CADM2: variants seen among roughly 807,000 people sequenced by gnomAD.
CADM2 encodes the protein cell adhesion molecule 2, also known as immunoglobulin superfamily member 4D.
Under a neutral mutation model 49.8 loss-of-function variants are expected in CADM2, and 12 were observed. The ratio of observed to expected loss-of-function variants is 0.24; its 90% CI spans 0.15 to 0.39. CADM2 has a LOEUF of 0.39. Ranked by LOEUF, CADM2 falls within the 10% of genes least tolerant of loss-of-function variation. The pLI, the probability that CADM2 is intolerant of heterozygous loss-of-function variation, is 1.00. For missense variants in CADM2, 378 were observed against 492.3 expected (o/e 0.77, Z 2.20); for synonymous variants, 214 against 175.4 (o/e 1.22, Z -1.74).
At chr3:85,389,518 G>A (rs1424596579) in intron 1 of CADM2, among the ~76,000 whole-genome samples, 2 of 151,892 alleles carry the variant, frequency 1.3e-5, no homozygotes, top group Admixed American at 6.6e-5. Flanking sequence ...ATTTCTCTCT[G>A]TATTCTGTGT....
chr3:85,655,836 T>C (rs551391568), intron 1 of CADM2, among the ~76,000 whole-genome samples: 2 of 152,312 alleles, frequency 1.3e-5, no homozygotes, highest in African/African-American at 4.8e-5. Context: ...GAGATAGAAT[T>C]CAATAGCACA....
At chr3:85,288,668 A>ATTCAGTGATAAGATTCAGAT (rs1167844181) in intron 1 of CADM2, among the ~76,000 whole-genome samples, 5 of 151,898 alleles carry the variant, frequency 3.3e-5, no homozygotes, top group Non-Finnish European at 7.4e-5. Flanking sequence ...CACATGCAAA[A>ATTCAGTGATAAGATTCAGAT]TTCAGTGATA....
intron 1 of CADM2, among the ~76,000 whole-genome samples, chr3:85,377,347 A>G (rs1302391045): frequency 6.6e-6 from 1 of 152,082 alleles, no homozygotes; most frequent in Admixed American, 6.6e-5. Context: ...CATTAGTGAC[A>G]GAGGCTGGGA....
At chr3:85,243,406 G>A (rs2042576139) in intron 1 of CADM2, among the ~76,000 whole-genome samples, 1 of 151,916 alleles carries the variant, frequency 6.6e-6, no homozygotes, top group Admixed American at 6.6e-5. Context: ...AAGTTATACT[G>A]CTTATCACTT....
rs1174114792 is a variant in CADM2 at position 85,297,731 on chromosome 3, C to T, written c.61+338063C>T. 3.3e-5 allele frequency among the ~76,000 whole-genome samples: 5 copies of T among 151,976 alleles called. No individual in the cohort carries two copies. The East Asian group carries it at 9.7e-4, about 29-fold the overall frequency. On this transcript the variant is annotated intron_variant, in intron 1 of 9. Coordinates refer to ENST00000383699, the MANE Select transcript of CADM2 (RefSeq NM_001167675.2). ...TTCAGTTTTGAGTTCTGCATAGAAA[C>T]CTACATATTGATCCGTGACATGTTC... is the stretch of plus-strand genomic sequence containing the variant.
At chr3:85,995,384 A>G (rs1376163274) in intron 8 of CADM2, among the ~76,000 whole-genome samples, 1 of 152,164 alleles carries the variant, frequency 6.6e-6, no homozygotes. Flanking sequence ...ACATAACATG[A>G]AGTCACTCAA....
chr3:86,053,773 G>A (rs181299742), intron 8 of CADM2, among the ~76,000 whole-genome samples: 16 of 152,102 alleles, frequency 1.1e-4, no homozygotes, highest in Non-Finnish European at 1.8e-4. Context: ...TATGAAAATA[G>A]TAACTATTTT....
At chr3:84,969,731 TACTA>T (rs1453582128) in intron 1 of CADM2, among the ~76,000 whole-genome samples, 1 of 151,944 alleles carries the variant, frequency 6.6e-6, no homozygotes, top group Non-Finnish European at 1.5e-5. Flanking sequence ...ACAAAAATAA[TACTA>T]AATAATGGTG....
chr3:85,417,218 A>G (rs2035956737), intron 1 of CADM2, among the ~76,000 whole-genome samples: 1 of 152,182 alleles, frequency 6.6e-6, no homozygotes, highest in African/African-American at 2.4e-5. Flanking sequence ...TTCTTATTGC[A>G]TAGAGTATTT....
chr3:85,940,886 C>G (rs1721806062), intron 7 of CADM2, among the ~76,000 whole-genome samples: 1 of 151,802 alleles, frequency 6.6e-6, no homozygotes, highest in Non-Finnish European at 1.5e-5. Context: ...AGGTTCACAG[C>G]AAAATTGAGT....
intron 1 of CADM2, among the ~76,000 whole-genome samples, chr3:85,172,650 G>A (rs1399609176): frequency 1.3e-5 from 2 of 151,826 alleles, no homozygotes; most frequent in Non-Finnish European, 2.9e-5. Flanking sequence ...GCCAGGTTAA[G>A]AAGTTTGAAT....
At chr3:85,259,328 C>T (rs1006164882) in intron 1 of CADM2, among the ~76,000 whole-genome samples, 4 of 151,822 alleles carry the variant, frequency 2.6e-5, no homozygotes, top group African/African-American at 7.3e-5. Flanking sequence ...TTTTTTTAAT[C>T]GTGTTTAATT....
chr3:85,224,609 GA>G (rs2042113005), intron 1 of CADM2, among the ~76,000 whole-genome samples: 1 of 152,120 alleles, frequency 6.6e-6, no homozygotes, highest in African/African-American at 2.4e-5. Context: ...AGTTTAATTA[GA>G]TCCCATTTGT....
intron 1 of CADM2, among the ~76,000 whole-genome samples, chr3:85,603,297 T>C (rs1394452628): frequency 2.0e-5 from 3 of 151,916 alleles, no homozygotes; most frequent in Admixed American, 6.6e-5. Context: ...ATTCTTTTTT[T>C]GAAGGGGAGA....
At chr3:85,516,114 C>T (rs527266388) in intron 1 of CADM2, among the ~76,000 whole-genome samples, 5 of 152,108 alleles carry the variant, frequency 3.3e-5, no homozygotes, top group African/African-American at 1.2e-4. Context: ...GTTTCCATGC[C>T]ACAGTCCTCA....
chr3:85,753,029 G>T (rs2068937364), intron 2 of CADM2, among the ~76,000 whole-genome samples: 1 of 152,014 alleles, frequency 6.6e-6, no homozygotes, highest in Non-Finnish European at 1.5e-5. Context: ...TTTTTGTCAT[G>T]CAGCTGCAAA....
intron 3 of CADM2, among the ~76,000 whole-genome samples, chr3:85,870,007 A>G (rs1486628397): frequency 6.6e-6 from 1 of 152,144 alleles, no homozygotes; most frequent in Non-Finnish European, 1.5e-5. Flanking sequence ...TCTCGAATAT[A>G]ATCTACCACT....
intron 2 of CADM2, 51 bp downstream of exon 2, chr3:85,726,599 A>G (rs2067705421): frequency 1.4e-6 from 2 of 1,437,560 alleles, no homozygotes; most frequent in Non-Finnish European, 2.0e-6. Flanking sequence ...TTTTCTGCTC[A>G]ATCTTCTAAG....
chr3:85,914,425 C>G (rs1046985390), intron 6 of CADM2, among the ~76,000 whole-genome samples: 2 of 151,932 alleles, frequency 1.3e-5, no homozygotes, highest in African/African-American at 2.4e-5. Context: ...TTTTCTGTTT[C>G]TTTTTCTTAC....
Sources: gnomAD v4.1 joint callset for allele counts (sites outside exome capture counted in the v4.1 genomes callset) on GRCh38, gnomAD v4.1.1 for gene constraint, MANE v1.5 for transcripts, NCBI Gene and HGNC (gene_info 2026-07-23, HGNC 2026-07-21) for gene names.